MAP7: variants seen among roughly 807,000 people sequenced by gnomAD.
The protein encoded by MAP7 is ensconsin.
Under a neutral mutation model 94.8 loss-of-function variants are expected in MAP7, and 52 were observed. The observed-to-expected ratio is 0.55, with a 90% CI of 0.44 to 0.69. The LOEUF is 0.69. Among genes scored for constraint, MAP7 ranks in the 30% least tolerant of loss-of-function variants. The probability of loss-of-function intolerance (pLI) is 0.00; values close to 1 mark genes in which losing one functional copy is unlikely to be tolerated. For missense variants in MAP7, 940 were observed against 964.6 expected (o/e 0.97, Z 0.34); for synonymous variants, 350 against 357.0 (o/e 0.98, Z 0.22).
At position 136,389,472 on chromosome 6, in the gene MAP7, T is replaced by C. The variant is rs777565649; in HGVS notation, c.290A>G (p.Gln97Arg). Residue 97 changes from glutamine to arginine, a missense_variant, in exon 4 of 18, where the codon CAG becomes CGG. Physicochemically the swap from Gln to Arg is conservative, Grantham distance 43 (BLOSUM62 1). Transcript: ENST00000354570. ...CTCTTCCAGGTGCTTCTCGTAGTGCTGCCTGGCTCGCTCTTCTCTTTCTAA... is the reference window on the plus strand; with the variant it reads ...CTCTTCCAGGTGCTTCTCGTAGTGCCGCCTGGCTCGCTCTTCTCTTTCTAA... ...VWLEREERAR[Q>R]HYEKHLEERK... 2.5e-6 allele frequency: 4 copies of C among 1,611,450 alleles called. No individual in the cohort carries two copies. The highest frequency in any genetic ancestry group is 2.2e-5 in the East Asian group (1 of 44,762).
At chr6:136,411,817 A>AAAGTG in intron 2 of MAP7, 120 bp from the exon 3 acceptor site, 1 of 761,730 alleles carries the variant, frequency 1.3e-6, no homozygotes, top group Non-Finnish European at 2.1e-6. Flanking sequence ...GCTGCACTTT[A>AAAGTG]CAACAATAAG....
chr6:136,359,853 C>T lies in MAP7; in HGVS notation c.1879G>A (p.Asp627Asn). ...DKKTSDQRNG[D>N]IAKGALTGGT... ...CCAGTGAGAGCTCCCTTGGCTATATCACCGTTTCTCTGATCACTGGTTTTC... is the reference window on the plus strand; with the variant it reads ...CCAGTGAGAGCTCCCTTGGCTATATTACCGTTTCTCTGATCACTGGTTTTC... Residue 627 changes from aspartate (D) to asparagine (N), a missense_variant, in exon 15 of 18, where the codon GAT becomes AAT. Physicochemically the swap from Asp to Asn is conservative, Grantham distance 23. Transcript: ENST00000354570. 1 of 1,613,512 alleles carries T rather than the reference C, an allele frequency of 6.2e-7. No individual in the cohort carries two copies. The highest frequency in any genetic ancestry group is 8.5e-7 in the Non-Finnish European group (1 of 1,179,962).
At chr6:136,470,787 G>A (rs1369198494) in intron 1 of MAP7, among the ~76,000 whole-genome samples, 1 of 151,762 alleles carries the variant, frequency 6.6e-6, no homozygotes, top group Non-Finnish European at 1.5e-5. Context: ...AAAAGATGAA[G>A]ATCTAGTTGT....
chr6:136,526,266 T>TAC, intron 1 of MAP7: 15 of 1,107,442 alleles, frequency 1.4e-5, no homozygotes, highest in Non-Finnish European at 1.7e-5. Context: ...TGCATGCACG[T>TAC]ACACGCGCGC....
At chr6:136,384,672 G>A (rs1778714679) in intron 5 of MAP7, among the ~76,000 whole-genome samples, 1 of 151,950 alleles carries the variant, frequency 6.6e-6, no homozygotes, top group Non-Finnish European at 1.5e-5. Context: ...TTTTGTAGAG[G>A]TGGGGTTCTC....
intron 3 of MAP7, among the ~76,000 whole-genome samples, chr6:136,401,254 A>G (rs887037397): frequency 6.6e-6 from 1 of 152,196 alleles, no homozygotes; most frequent in African/African-American, 2.4e-5. Context: ...TGGGAGGCTG[A>G]GGCAGAAGGG....
intron 1 of MAP7, among the ~76,000 whole-genome samples, chr6:136,472,515 C>T (rs966318187): frequency 2.6e-5 from 4 of 152,092 alleles, no homozygotes; most frequent in Non-Finnish European, 4.4e-5. Flanking sequence ...CTTTAAAAAA[C>T]ACATATAATT....
intron 1 of MAP7, among the ~76,000 whole-genome samples, chr6:136,459,111 A>G (rs1319085095): frequency 6.6e-6 from 1 of 152,166 alleles, no homozygotes; most frequent in East Asian, 1.9e-4. Context: ...CATTTCTCCA[A>G]CGACAACATA....
At chr6:136,479,855 C>G (rs777705839) in intron 1 of MAP7, among the ~76,000 whole-genome samples, 1 of 151,552 alleles carries the variant, frequency 6.6e-6, no homozygotes, top group African/African-American at 2.4e-5. Flanking sequence ...AGGGGACACA[C>G]AAAAAAAGAA....
intron 1 of MAP7, among the ~76,000 whole-genome samples, chr6:136,428,668 T>C (rs1794006193): frequency 6.6e-6 from 1 of 152,204 alleles, no homozygotes; most frequent in Non-Finnish European, 1.5e-5. Flanking sequence ...TCCTAAGGGA[T>C]AGGACTGGGC....
At chr6:136,448,697 C>A (rs1472069267) in intron 1 of MAP7, among the ~76,000 whole-genome samples, 2 of 151,876 alleles carry the variant, frequency 1.3e-5, no homozygotes, top group Non-Finnish European at 2.9e-5. Context: ...ACAGGCGTGG[C>A]CACCGTGCCT....
At chr6:136,530,061 G>C (rs1268641452) in intron 1 of MAP7, among the ~76,000 whole-genome samples, 3 of 152,312 alleles carry the variant, frequency 2.0e-5, no homozygotes, top group African/African-American at 7.2e-5. Flanking sequence ...TCCTAGACTT[G>C]TGTGACCATA....
intron 1 of MAP7, among the ~76,000 whole-genome samples, chr6:136,487,914 C>T (rs963019775): frequency 3.2e-4 from 49 of 152,070 alleles, no homozygotes; most frequent in African/African-American, 1.1e-3. Context: ...ATATACAGAG[C>T]GGAAAGTCCT....
chr6:136,442,870 T>G (rs1798275411), intron 1 of MAP7, among the ~76,000 whole-genome samples: 1 of 152,114 alleles, frequency 6.6e-6, no homozygotes, highest in African/African-American at 2.4e-5. Context: ...GTTTTAACAG[T>G]TTTTGTGCTT....
chr6:136,413,095 GA>G (rs1354629650), intron 2 of MAP7, among the ~76,000 whole-genome samples: 2 of 152,202 alleles, frequency 1.3e-5, no homozygotes, highest in Non-Finnish European at 2.9e-5. Flanking sequence ...TTGGGAGGCA[GA>G]AGATGCAGGG....
At chr6:136,422,270 CTGAATAT>C (rs1204462132) in intron 1 of MAP7, among the ~76,000 whole-genome samples, 25 of 152,316 alleles carry the variant, frequency 1.6e-4, no homozygotes, top group African/African-American at 5.8e-4. Context: ...TCAACCCTAA[CTGAATAT>C]TATGTAACAG....
chr6:136,549,647 T>A (rs2129064380), intron 1 of MAP7, among the ~76,000 whole-genome samples: 1 of 152,288 alleles, frequency 6.6e-6, no homozygotes, highest in African/African-American at 2.4e-5. Context: ...AATCCTCCTT[T>A]GGGCTCCTGC....
At chr6:136,441,292 C>T (rs1317868105) in intron 1 of MAP7, among the ~76,000 whole-genome samples, 1 of 151,994 alleles carries the variant, frequency 6.6e-6, no homozygotes, top group Non-Finnish European at 1.5e-5. Flanking sequence ...TATCATTTTT[C>T]CCTAATATAT....
rs1165180263 is a variant in MAP7, at chr6:136,356,731, T to A, written c.1976A>T (p.His659Leu). Residue 659 changes from histidine (H) to leucine (L), a missense_variant, in exon 16 of 18, where the codon CAT becomes CTT. Coordinates refer to ENST00000354570, the MANE Select transcript of MAP7 (RefSeq NM_003980.6). ...PGNGKPVGSP[H>L]VVTSHQSKVT... ...TTTTGACTGGTGTGAGGTAACCACA[T>A]GTGGGCTGCCAACTGGCTTTCCATT... 1 of 1,614,182 alleles carries A rather than the reference T, an allele frequency of 6.2e-7. No homozygotes were observed. Among genetic ancestry groups the A allele is most frequent in the Admixed American group, 1.7e-5 (1 of 60,022 alleles).
Sources: gnomAD v4.1 joint callset for allele counts (sites outside exome capture counted in the v4.1 genomes callset) on GRCh38, gnomAD v4.1.1 for gene constraint, MANE v1.5 for transcripts, NCBI Gene and HGNC (gene_info 2026-07-23, HGNC 2026-07-21) for gene names.